ANKH: variants seen among roughly 807,000 people sequenced by gnomAD.
ANKH encodes mineralization regulator ANKH.
Under a neutral mutation model 49.0 loss-of-function variants are expected in ANKH, and 15 were observed. That is an observed-to-expected ratio of 0.31 (90% CI 0.20 to 0.47). ANKH has a LOEUF of 0.47. ANKH is among the 20% of genes least tolerant of loss of function. The probability of loss-of-function intolerance (pLI) is 1.00; values close to 1 mark genes in which losing one functional copy is unlikely to be tolerated. For synonymous variants in ANKH, 273 were observed against 260.0 expected (o/e 1.05, Z -0.48); for missense variants, 429 against 652.0 (o/e 0.66, Z 3.72).
chr5:14,827,796 G>T (rs1279156124), intron 1 of ANKH, among the ~76,000 whole-genome samples: 1 of 152,078 alleles, frequency 6.6e-6, no homozygotes, highest in East Asian at 1.9e-4. Flanking sequence ...ATAACTCAGT[G>T]ATCTGATACA....
chr5:14,825,896 T>A (rs1446040328), intron 1 of ANKH: 1 of 152,386 alleles, frequency 6.6e-6, no homozygotes, highest in Non-Finnish European at 1.5e-5. Context: ...TTATGTAACC[T>A]CCATAATTAA....
chr5:14,749,607 A>AG (rs1738649114), intron 5 of ANKH, among the ~76,000 whole-genome samples: 3 of 152,382 alleles, frequency 2.0e-5, no homozygotes, highest in African/African-American at 7.2e-5. Context: ...ACCAAGGTAG[A>AG]ACCCACATCT....
intron 1 of ANKH, among the ~76,000 whole-genome samples, chr5:14,815,302 T>C (rs1368196280): frequency 3.3e-5 from 5 of 152,192 alleles, no homozygotes; most frequent in African/African-American, 1.2e-4. Context: ...TGTGTGGCAA[T>C]GAGAGAGATT....
chr5:14,831,733 C>T, intron 1 of ANKH, among the ~76,000 whole-genome samples: 1 of 152,162 alleles, frequency 6.6e-6, no homozygotes, highest in Non-Finnish European at 1.5e-5. Flanking sequence ...TATTATCCTG[C>T]AGCAAATTTT....
chr5:14,738,503 G>A (rs750595143), intron 8 of ANKH, among the ~76,000 whole-genome samples: 14 of 152,090 alleles, frequency 9.2e-5, no homozygotes, highest in Non-Finnish European at 1.9e-4. Context: ...GGAGGGCTGT[G>A]GCATCATCAC....
At chr5:14,741,985 G>A (rs1580022905) in intron 7 of ANKH, 63 bp from the exon 8 acceptor site, 4 of 1,227,734 alleles carry the variant, frequency 3.3e-6, no homozygotes, top group East Asian at 4.7e-5. Flanking sequence ...CCCACCGGGG[G>A]ATCTTGAAGA....
intron 7 of ANKH, among the ~76,000 whole-genome samples, chr5:14,743,281 G>A (rs1738421945): frequency 6.6e-6 from 1 of 152,196 alleles, no homozygotes; most frequent in South Asian, 2.1e-4. Context: ...GCCCTGCTGG[G>A]TACGATGAGG....
Position 14,712,947 on chromosome 5 carries a change from C to T in ANKH, c.1292G>A (p.Gly431Asp), listed in dbSNP as rs772928676. 1 of 1,613,448 alleles carries T rather than the reference C, an allele frequency of 6.2e-7. No individual in the cohort carries two copies. Among genetic ancestry groups the T allele is most frequent in the Admixed American group, 1.7e-5 (1 of 59,954 alleles). Residue 431 changes from glycine (G) to aspartate (D), a missense_variant, in exon 11 of 12, where the codon GGC becomes GAC. Around this residue, in one of 2 missense-constraint regions of ANKH, gnomAD observed 378 missense variants for 615.3 expected, o/e 0.61. Transcript: ENST00000284268. Reference sequence around the variant, plus strand: ...TCCCACAAAGCCCGCCAGGAGGGAGCCCACGCCCAGGGTCGCACCGTGCAC... The same window carrying T: ...TCCCACAAAGCCCGCCAGGAGGGAGTCCACGCCCAGGGTCGCACCGTGCAC... Reference protein sequence around the residue: ...LGVHGATLGVGSLLAGFVGES... With the variant: ...LGVHGATLGVDSLLAGFVGES...
chr5:14,746,482 G>C (rs536726287), intron 6 of ANKH, among the ~76,000 whole-genome samples: 1 of 152,160 alleles, frequency 6.6e-6, no homozygotes, highest in Non-Finnish European at 1.5e-5. Context: ...AATGATCTGC[G>C]TGGGGCCAGC....
intron 8 of ANKH, among the ~76,000 whole-genome samples, chr5:14,727,041 G>C (rs1252486414): frequency 6.6e-6 from 1 of 152,206 alleles, no homozygotes; most frequent in Non-Finnish European, 1.5e-5. Context: ...ACCATCACAG[G>C]CAGTGGGGAC....
intron 1 of ANKH, among the ~76,000 whole-genome samples, chr5:14,849,488 G>A (rs1561083268): frequency 6.6e-6 from 1 of 152,128 alleles, no homozygotes; most frequent in East Asian, 1.9e-4. Context: ...GGGCGGGAAG[G>A]TGAGCTCAAC....
In ANKH at chr5:14,828,922, C is replaced by G. The variant is rs574721097; in HGVS notation, c.96+42430G>C. ...CAATTTCTGGCTGGCTGCAGTGGCTCACGCCTGTAATCCCAACACTTTGGG... is the reference window on the plus strand; with the variant it reads ...CAATTTCTGGCTGGCTGCAGTGGCTGACGCCTGTAATCCCAACACTTTGGG... On this transcript the variant is annotated intron_variant, in intron 1 of 11. Coordinates refer to ENST00000284268, the MANE Select transcript of ANKH (RefSeq NM_054027.6). Among the ~76,000 whole-genome samples, 5 of 152,268 alleles carry G rather than the reference C, an allele frequency of 3.3e-5. 1 individual carries two copies. In the South Asian group the frequency reaches 1.0e-3, roughly 32 times the overall value.
At chr5:14,734,030 T>C (rs1485904420) in intron 8 of ANKH, among the ~76,000 whole-genome samples, 1 of 152,222 alleles carries the variant, frequency 6.6e-6, no homozygotes, top group Non-Finnish European at 1.5e-5. Context: ...ACTGAGTGAC[T>C]TCACCATTTG....
intron 1 of ANKH, among the ~76,000 whole-genome samples, chr5:14,824,838 G>A (rs534704907): frequency 2.0e-5 from 3 of 152,146 alleles, no homozygotes; most frequent in East Asian, 3.9e-4. Flanking sequence ...CTGGTTACAC[G>A]CCCCAAAAGG....
At chr5:14,805,397 CGTGTGT>C (rs77663812) in intron 1 of ANKH, among the ~76,000 whole-genome samples, 9,676 of 133,044 alleles carry the variant, frequency 0.073, 422 homozygotes, top group African/African-American at 0.11. Flanking sequence ...TGTATATATA[CGTGTGT>C]GTGTGTGTGT....
intron 1 of ANKH, among the ~76,000 whole-genome samples, chr5:14,805,881 G>A (rs1740697101): frequency 6.6e-6 from 1 of 152,172 alleles, no homozygotes; most frequent in Non-Finnish European, 1.5e-5. Context: ...GCCTCACCAG[G>A]TGTCACTCAA....
intron 1 of ANKH, among the ~76,000 whole-genome samples, chr5:14,826,293 G>A (rs1447445777): frequency 6.6e-6 from 1 of 152,178 alleles, no homozygotes; most frequent in Non-Finnish European, 1.5e-5. Context: ...TAAGTCTCAA[G>A]CTGTATATCT....
At chr5:14,824,595 T>C (rs1741287595) in intron 1 of ANKH, among the ~76,000 whole-genome samples, 1 of 152,158 alleles carries the variant, frequency 6.6e-6, no homozygotes, top group Non-Finnish European at 1.5e-5. Context: ...GTACCAGTAA[T>C]AAATAAAATG....
rs141059799 is a variant in ANKH at position 14,801,707 on chromosome 5, C to T, written c.97-32516G>A. 5.7e-3 allele frequency among the ~76,000 whole-genome samples: 862 copies of T among 152,246 alleles called. 5 individuals carry two copies. Among genetic ancestry groups the T allele is most frequent in the East Asian group, 0.016 (81 of 5,182 alleles). ...ACATCACCTCTACTGTGACATGAAG[C>T]GGGGTGTGGGTAAGTGGATCCAACA... On this transcript the variant is annotated intron_variant, in intron 1 of 11. Coordinates refer to ENST00000284268, the MANE Select transcript of ANKH (RefSeq NM_054027.6).
Sources: allele counts gnomAD v4.1 joint callset (sites outside exome capture counted in the v4.1 genomes callset), GRCh38; gene constraint gnomAD v4.1.1; regional missense constraint gnomAD v4.1.1; transcripts MANE v1.5; gene names NCBI Gene and HGNC (gene_info 2026-07-23, HGNC 2026-07-21).